RIMS1: variants seen among roughly 807,000 people sequenced by gnomAD.
RIMS1 encodes regulating synaptic membrane exocytosis 1.
In RIMS1, 83 loss-of-function variants were observed where a neutral mutation model predicts 214.1. That is an observed-to-expected ratio of 0.39 (90% CI 0.32 to 0.47). The LOEUF (loss-of-function observed/expected upper bound fraction) is 0.47, where lower values mean the gene tolerates loss of function less well. Among genes scored for constraint, RIMS1 ranks in the 20% least tolerant of loss-of-function variants. The pLI, the probability that RIMS1 is intolerant of heterozygous loss-of-function variation, is 0.99. For synonymous variants in RIMS1, 793 were observed against 786.8 expected, an observed-to-expected ratio of 1.01 and a Z score of -0.13; for missense variants, 2,050 against 2,161.8, an observed-to-expected ratio of 0.95 and a Z score of 1.03.
chr6:72,369,727 A>G (rs2098156280), intron 29 of RIMS1, among the ~76,000 whole-genome samples: 1 of 152,114 alleles, frequency 6.6e-6, no homozygotes, highest in African/African-American at 2.4e-5. Context: ...TTTGATTGAA[A>G]CCCCCAATTA....
intron 6 of RIMS1, among the ~76,000 whole-genome samples, chr6:72,225,981 G>A (rs566519787): frequency 2.0e-5 from 3 of 152,196 alleles, no homozygotes; most frequent in African/African-American, 7.2e-5. Flanking sequence ...TGTGTGGAAA[G>A]CATTTTGGCC....
chr6:72,035,214 TG>T (rs1296158111), intron 2 of RIMS1, among the ~76,000 whole-genome samples: 2 of 152,160 alleles, frequency 1.3e-5, no homozygotes, highest in Admixed American at 6.5e-5. Context: ...TGCCTCAAAT[TG>T]GTAAGGGTCT....
intron 2 of RIMS1, among the ~76,000 whole-genome samples, chr6:72,090,763 G>T (rs556348865): frequency 6.6e-6 from 1 of 152,176 alleles, no homozygotes; most frequent in Non-Finnish European, 1.5e-5. Context: ...GTCAAGAACT[G>T]TGAATTTATG....
chr6:72,350,175 CTAATTTTTG>C (rs1476162480), intron 29 of RIMS1, among the ~76,000 whole-genome samples: 1 of 151,936 alleles, frequency 6.6e-6, no homozygotes, highest in Non-Finnish European at 1.5e-5. Context: ...TTTTAAAAAT[CTAATTTTTG>C]TACACAGAAA....
At chr6:72,075,760 T>G (rs571000562) in intron 2 of RIMS1, among the ~76,000 whole-genome samples, 112 of 152,314 alleles carry the variant, frequency 7.4e-4, no homozygotes, top group African/African-American at 2.6e-3. Flanking sequence ...GACACAGATA[T>G]TCAGTCCATA....
At chr6:72,271,269 G>GAAAAAA (rs1159251437) in intron 22 of RIMS1, among the ~76,000 whole-genome samples, 2 of 52,826 alleles carry the variant, frequency 3.8e-5, no homozygotes, top group African/African-American at 1.1e-4. Flanking sequence ...CCATCTCAAG[G>GAAAAAA]AAAAAAAAAA....
At chr6:72,223,591 A>G (rs1419412192) in intron 6 of RIMS1, among the ~76,000 whole-genome samples, 1 of 152,146 alleles carries the variant, frequency 6.6e-6, no homozygotes, top group Non-Finnish European at 1.5e-5. Flanking sequence ...ATATTTAATC[A>G]CAAATATCCC....
intron 6 of RIMS1, among the ~76,000 whole-genome samples, chr6:72,212,313 G>A (rs2053958364): frequency 6.7e-6 from 1 of 150,274 alleles, no homozygotes; most frequent in African/African-American, 2.4e-5. Flanking sequence ...ACATATAATA[G>A]GAATCTATAT....
chr6:72,328,669 T>C (rs1287684046), intron 28 of RIMS1, among the ~76,000 whole-genome samples: 1 of 151,730 alleles, frequency 6.6e-6, no homozygotes, highest in Non-Finnish European at 1.5e-5. Flanking sequence ...CAAACAGAAC[T>C]AGCAGGTTCA....
chr6:72,029,012 A>C (rs1005185249), intron 2 of RIMS1, among the ~76,000 whole-genome samples: 1 of 152,176 alleles, frequency 6.6e-6, no homozygotes, highest in African/African-American at 2.4e-5. Context: ...TTTTTATTGA[A>C]GTTTAAAGAG....
chr6:72,098,634 C>T (rs553505281), intron 3 of RIMS1, among the ~76,000 whole-genome samples: 63 of 152,148 alleles, frequency 4.1e-4, no homozygotes, highest in Middle Eastern at 6.8e-3. Flanking sequence ...ACTGTTACTA[C>T]CTCTGTGGCT....
At chr6:72,065,838 T>C (rs1004534095) in intron 2 of RIMS1, among the ~76,000 whole-genome samples, 1 of 151,388 alleles carries the variant, frequency 6.6e-6, no homozygotes, top group Non-Finnish European at 1.5e-5. Context: ...TAACCAGATA[T>C]GCTATATTTA....
chr6:72,180,061 G>C (rs759898778), intron 5 of RIMS1, 146 bp downstream of exon 5: 1 of 512,028 alleles, frequency 2.0e-6, no homozygotes, highest in Admixed American at 3.5e-5. Context: ...CCTGAGGGGC[G>C]TTGTCTATCT....
rs568005467 is a variant in RIMS1 at position 72,375,237 on chromosome 6, A to G, written c.4367-15361A>G. Among the ~76,000 whole-genome samples, 6 of 152,250 alleles carry G rather than the reference A, an allele frequency of 3.9e-5. No homozygotes were observed. The South Asian group carries it at 1.2e-3, about 32-fold the overall frequency. ...ACTCTCATGAGCTCTTTGCCTCATC[A>G]AGTTTAGCGTTTCTGATTTTCTCTT... On this transcript the variant is annotated intron_variant, in intron 29 of 33. Coordinates refer to ENST00000521978, the MANE Select transcript of RIMS1 (RefSeq NM_014989.7).
chr6:72,346,082 C>T (rs1013219477), intron 29 of RIMS1, among the ~76,000 whole-genome samples: 9 of 151,656 alleles, frequency 5.9e-5, no homozygotes, highest in Non-Finnish European at 1.2e-4. Flanking sequence ...CCTCCATTTT[C>T]GCAACTATAA....
intron 29 of RIMS1, among the ~76,000 whole-genome samples, chr6:72,378,738 C>A (rs2098436503): frequency 6.6e-6 from 1 of 152,144 alleles, no homozygotes; most frequent in Non-Finnish European, 1.5e-5. Flanking sequence ...ATTCAGGAGG[C>A]TGAGGCAGAA....
intron 4 of RIMS1, among the ~76,000 whole-genome samples, chr6:72,173,425 C>G (rs187829407): frequency 2.6e-5 from 4 of 151,644 alleles, no homozygotes; most frequent in African/African-American, 7.3e-5. Flanking sequence ...TTCTTTTTTT[C>G]TAGAACTTTT....
At chr6:72,388,506 A>T (rs1190820691) in intron 29 of RIMS1, among the ~76,000 whole-genome samples, 2 of 152,214 alleles carry the variant, frequency 1.3e-5, no homozygotes, top group Non-Finnish European at 2.9e-5. Flanking sequence ...CAGGGGAATG[A>T]TATATTCAGA....
chr6:72,184,009 T>A (rs1486420536), intron 6 of RIMS1, among the ~76,000 whole-genome samples: 4 of 152,232 alleles, frequency 2.6e-5, no homozygotes, highest in Non-Finnish European at 5.9e-5. Flanking sequence ...GTGCATACTG[T>A]ATTACTGTAA....
Sources: allele counts gnomAD v4.1 joint callset (sites outside exome capture counted in the v4.1 genomes callset), GRCh38; gene constraint gnomAD v4.1.1; transcripts MANE v1.5; gene names NCBI Gene and HGNC (gene_info 2026-07-23, HGNC 2026-07-21).